The following KPNA5 variants were observed in gnomAD, a reference collection of about 807,000 sequenced individuals.
The protein encoded by KPNA5 is karyopherin subunit alpha 5.
A neutral mutation model predicts 71.3 loss-of-function variants in KPNA5; 46 were observed. The observed-to-expected ratio is 0.65, with a 90% CI of 0.51 to 0.83. The LOEUF (loss-of-function observed/expected upper bound fraction) is 0.83, where lower values mean the gene tolerates loss of function less well. Among genes scored for constraint, KPNA5 ranks in the 40% least tolerant of loss-of-function variants. KPNA5 has a pLI of 0.00. For synonymous variants in KPNA5, 207 were observed against 201.4 expected (o/e 1.03, Z -0.24); for missense variants, 547 against 628.3 (o/e 0.87, Z 1.38).
Position 116,722,242 on chromosome 6 carries a change from A to G in KPNA5, c.873A>G (p.Gln291=). The G allele has an allele frequency of 6.2e-7, 1 of 1,613,160 alleles. No individual in the cohort carries two copies. Among genetic ancestry groups the G allele is most frequent in the Non-Finnish European group, 8.5e-7 (1 of 1,179,426 alleles). ...CCGATGGACCCAATGATAAAATTCA[A>G]GCAGTCATTGATTCTGGAGTCTGTC... The part of the protein sequence containing the change: ...YLSDGPNDKI[Q]AVIDSGVCRR... The change falls in exon 9 of 14, where the codon CAA becomes CAG. Residue 291 remains glutamine, a synonymous_variant. Coordinates refer to ENST00000368564, the MANE Select transcript of KPNA5 (RefSeq NM_001366306.2).
intron 2 of KPNA5, among the ~76,000 whole-genome samples, chr6:116,690,584 A>G (rs1326641700): frequency 6.6e-6 from 1 of 150,884 alleles, no homozygotes; most frequent in Non-Finnish European, 1.5e-5. Context: ...CAGAGTTTGC[A>G]GTGAGCCGAG....
chr6:116,731,588 C>T (rs994576657), intron 13 of KPNA5, among the ~76,000 whole-genome samples: 6 of 152,042 alleles, frequency 3.9e-5, no homozygotes, highest in Non-Finnish European at 8.8e-5. Context: ...CAAAATGAGG[C>T]CTTTCAGTTT....
At position 116,740,676 on chromosome 6, in the gene KPNA5, G is replaced by A. The variant is rs1226908621; in HGVS notation, c.*8353G>A. The A allele has an allele frequency of 6.6e-6, 1 of 152,050 alleles. No individual in the cohort carries two copies. The highest frequency in any genetic ancestry group is 1.5e-5 in the Non-Finnish European group (1 of 68,006). 9.4% of individuals were successfully genotyped at this position (152,050 alleles called of 1,614,324 possible). A position where few individuals can be genotyped will look rare whatever the true frequency, so the allele number is the denominator to read the frequency against. On this transcript the variant is annotated 3_prime_UTR_variant, in exon 14 of 14. Coordinates refer to ENST00000368564, the MANE Select transcript of KPNA5 (RefSeq NM_001366306.2). ...ATACTATGCAGCCATAAAAAATGAT[G>A]AGTTCATGTCCTTTGTAGGGACATG...
chr6:116,689,679 A>T (rs1263307996), intron 2 of KPNA5, among the ~76,000 whole-genome samples: 1 of 152,156 alleles, frequency 6.6e-6, no homozygotes, highest in Non-Finnish European at 1.5e-5. Context: ...TGTGTTAATT[A>T]TATTTTTACC....
At chr6:116,717,891 C>T (rs543117221) in intron 8 of KPNA5, among the ~76,000 whole-genome samples, 1 of 152,188 alleles carries the variant, frequency 6.6e-6, no homozygotes, top group Non-Finnish European at 1.5e-5. Context: ...GTGTGCCCCC[C>T]CCACCGCCAG....
chr6:116,736,955 T>G lies in KPNA5; in HGVS notation c.*4632T>G, dbSNP rs1426937999. Reference sequence around the variant, plus strand: ...ATACTCAAGCTTTCCTCTGCTGGCTTGAACACAGCAAGTATAATAGCTGTT... The same window carrying G: ...ATACTCAAGCTTTCCTCTGCTGGCTGGAACACAGCAAGTATAATAGCTGTT... On this transcript the variant is annotated 3_prime_UTR_variant, in exon 14 of 14. Coordinates refer to ENST00000368564, the MANE Select transcript of KPNA5 (RefSeq NM_001366306.2). The G allele has an allele frequency of 2.0e-5, 3 of 151,980 alleles. No individual in the cohort carries two copies. The highest frequency in any genetic ancestry group is 4.4e-5 in the Non-Finnish European group (3 of 67,922). 9.4% of individuals were successfully genotyped at this position (151,980 alleles called of 1,614,324 possible).
At position 116,683,896 on chromosome 6, in the gene KPNA5, C is replaced by CTTTTT. The variant is rs140446065; in HGVS notation, c.4+2588_4+2592dup. ...ACAGGCGTGAGCCACCGTGCCCGGC[C>CTTTTT]TTTTTTTTTTTTTTTTTTTTTTTTT... On this transcript the variant is annotated intron_variant, in intron 1 of 13. Transcript: ENST00000368564. 1.1e-3 allele frequency among the ~76,000 whole-genome samples: 64 copies of CTTTTT among 59,610 alleles called. 3 individuals carry two copies. The highest frequency in any genetic ancestry group is 2.0e-3 in the East Asian group (3 of 1,488). The allele number at this position is 59,610 out of a possible 152,430, so 39.1% of individuals were successfully genotyped here. A position where few individuals can be genotyped will look rare whatever the true frequency, so the allele number is the denominator to read the frequency against.
At chr6:116,722,313 A>C (rs766842763) in intron 9 of KPNA5, 24 bp downstream of exon 9, 8 of 1,552,806 alleles carry the variant, frequency 5.2e-6, no homozygotes, top group Non-Finnish European at 6.1e-6. Flanking sequence ...ATTTATGCTT[A>C]ATAATTGTAT....
At chr6:116,731,216 A>C (rs1030261406) in intron 13 of KPNA5, among the ~76,000 whole-genome samples, 1 of 152,108 alleles carries the variant, frequency 6.6e-6, no homozygotes, top group African/African-American at 2.4e-5. Context: ...GTCCTCTTAC[A>C]TTGTATGGGT....
At chr6:116,688,775 C>T (rs1423348244) in intron 1 of KPNA5, among the ~76,000 whole-genome samples, 1 of 152,076 alleles carries the variant, frequency 6.6e-6, no homozygotes, top group Non-Finnish European at 1.5e-5. Flanking sequence ...AGTCATAATT[C>T]AAGTCCTGAC....
At chr6:116,709,544 A>G (rs547725704) in intron 7 of KPNA5, among the ~76,000 whole-genome samples, 36 of 152,280 alleles carry the variant, frequency 2.4e-4, no homozygotes, top group African/African-American at 8.7e-4. Flanking sequence ...TTAAAAAAAG[A>G]TAGTTTCATT....
chr6:116,697,747 T>C (rs1778080581), intron 4 of KPNA5, among the ~76,000 whole-genome samples: 1 of 152,022 alleles, frequency 6.6e-6, no homozygotes, highest in Non-Finnish European at 1.5e-5. Context: ...ATATACAATT[T>C]AGGTGGTGGA....
intron 11 of KPNA5, among the ~76,000 whole-genome samples, chr6:116,726,247 A>G (rs1583445589): frequency 6.6e-6 from 1 of 152,250 alleles, no homozygotes; most frequent in Non-Finnish European, 1.5e-5. Flanking sequence ...TTGATCAGTC[A>G]CATGGCTTGT....
At chr6:116,719,692 T>A (rs570919640) in intron 8 of KPNA5, among the ~76,000 whole-genome samples, 1 of 151,946 alleles carries the variant, frequency 6.6e-6, no homozygotes, top group African/African-American at 2.4e-5. Flanking sequence ...ACAAAAAAAT[T>A]TAAAAAATTA....
At chr6:116,710,793 A>G (rs1007782162) in intron 7 of KPNA5, among the ~76,000 whole-genome samples, 1 of 148,366 alleles carries the variant, frequency 6.7e-6, no homozygotes, top group Non-Finnish European at 1.5e-5. Flanking sequence ...TTTTGATGAT[A>G]ATATTCTCAT....
chr6:116,712,090 T>G (rs1333078635), intron 7 of KPNA5, among the ~76,000 whole-genome samples: 1 of 152,136 alleles, frequency 6.6e-6, no homozygotes, highest in African/African-American at 2.4e-5. Flanking sequence ...CACAGACACG[T>G]GCCACCATGC....
rs1779557744 is a variant in KPNA5 at position 116,733,235 on chromosome 6, T to G, written c.*912T>G. 1 of 151,538 alleles carries G rather than the reference T, an allele frequency of 6.6e-6. No homozygotes were observed. Among genetic ancestry groups the G allele is most frequent in the Non-Finnish European group, 1.5e-5 (1 of 67,656 alleles). The allele number at this position is 151,538 out of a possible 1,614,324, so 9.4% of individuals were successfully genotyped here. Reference sequence around the variant, plus strand: ...TTCTCTGATTTTTCAGAGCAGTAATTGAAAAGTTTCATTTTCTGTATAATA... The same window carrying G: ...TTCTCTGATTTTTCAGAGCAGTAATGGAAAAGTTTCATTTTCTGTATAATA... On this transcript the variant is annotated 3_prime_UTR_variant, in exon 14 of 14. Transcript: ENST00000368564.
chr6:116,703,932 G>A (rs1778334695), intron 6 of KPNA5, among the ~76,000 whole-genome samples: 1 of 152,094 alleles, frequency 6.6e-6, no homozygotes, highest in African/African-American at 2.4e-5. Context: ...TCATCATTGT[G>A]CAAATTCCAT....
intron 5 of KPNA5, among the ~76,000 whole-genome samples, chr6:116,701,460 C>A (rs181772282): frequency 6.6e-6 from 1 of 152,228 alleles, no homozygotes; most frequent in East Asian, 1.9e-4. Context: ...CTCAGAGACT[C>A]TGCAGCTTAA....
Sources: allele counts gnomAD v4.1 joint callset (sites outside exome capture counted in the v4.1 genomes callset), GRCh38; gene constraint gnomAD v4.1.1; transcripts MANE v1.5; gene names NCBI Gene and HGNC (gene_info 2026-07-23, HGNC 2026-07-21).